The following UBE2G1 variants were observed in gnomAD, a reference collection of about 807,000 sequenced individuals.
UBE2G1 encodes ubiquitin-conjugating enzyme E2 G1.
Under a neutral mutation model 22.7 loss-of-function variants are expected in UBE2G1, and 5 were observed. The ratio of observed to expected loss-of-function variants is 0.22; its 90% confidence interval spans 0.12 to 0.46. UBE2G1 has a LOEUF of 0.46. Among genes scored for constraint, UBE2G1 ranks in the 20% least tolerant of loss-of-function variants. UBE2G1 has a pLI of 0.99. For synonymous variants in UBE2G1, 74 were observed against 67.5 expected, an observed-to-expected ratio of 1.10 and a Z score of -0.47; for missense variants, 88 against 203.9, an observed-to-expected ratio of 0.43 and a Z score of 3.46.
intron 3 of UBE2G1, among the ~76,000 whole-genome samples, chr17:4,293,539 T>A (rs1969069119): frequency 6.6e-6 from 1 of 152,208 alleles, no homozygotes; most frequent in South Asian, 2.1e-4. Flanking sequence ...GTTAGGTTCC[T>A]AGGATGGAAG....
In UBE2G1 at chr17:4,301,582, T is replaced by G. The variant is rs114340737; in HGVS notation, c.150-4768A>C. 1,013 of 1,334,224 alleles carry G rather than the reference T, an allele frequency of 7.6e-4. 6 individuals are homozygous for G. The African/African-American group carries it at 0.012, about 16-fold the overall frequency. 82.6% of individuals were successfully genotyped at this position (1,334,224 alleles called of 1,614,324 possible). A position where few individuals can be genotyped will look rare whatever the true frequency, so the allele number is the denominator to read the frequency against. On this transcript the variant is annotated intron_variant, in intron 2 of 5. Coordinates refer to ENST00000396981, the MANE Select transcript of UBE2G1 (RefSeq NM_003342.5). Reference sequence around the variant, plus strand: ...TGGCCCAATGTAGTTTTGTGTTTCTTTGGTGGCTTTTTAAAAGACCGAGTA... The same window carrying G: ...TGGCCCAATGTAGTTTTGTGTTTCTGTGGTGGCTTTTTAAAAGACCGAGTA...
At chr17:4,335,705 T>C (rs1969638254) in intron 1 of UBE2G1, among the ~76,000 whole-genome samples, 1 of 152,228 alleles carries the variant, frequency 6.6e-6, no homozygotes, top group Non-Finnish European at 1.5e-5. Flanking sequence ...ATAGTTTCTT[T>C]GACAGCATTT....
At chr17:4,365,622 G>A (rs1970024723) in intron 1 of UBE2G1, among the ~76,000 whole-genome samples, 1 of 152,050 alleles carries the variant, frequency 6.6e-6, no homozygotes, top group Admixed American at 6.5e-5. Context: ...CCCTCCCCCA[G>A]CCGGGCGGCG....
chr17:4,324,448 T>C (rs765648165), intron 1 of UBE2G1, among the ~76,000 whole-genome samples: 14 of 152,244 alleles, frequency 9.2e-5, no homozygotes, highest in Non-Finnish European at 1.6e-4. Context: ...ATTTTACCTA[T>C]CTTTTTACAT....
chr17:4,358,781 G>A (rs924950317), intron 1 of UBE2G1, among the ~76,000 whole-genome samples: 4 of 152,002 alleles, frequency 2.6e-5, no homozygotes, highest in Non-Finnish European at 5.9e-5. Flanking sequence ...GAGAAACCCT[G>A]TCTCTATTAA....
chr17:4,320,843 C>G (rs118101318), intron 1 of UBE2G1, among the ~76,000 whole-genome samples: 1 of 151,996 alleles, frequency 6.6e-6, no homozygotes, highest in Non-Finnish European at 1.5e-5. Context: ...CTAGATAACT[C>G]GTTCCCACCA....
At chr17:4,325,791 A>T (rs1005415825) in intron 1 of UBE2G1, among the ~76,000 whole-genome samples, 4 of 152,368 alleles carry the variant, frequency 2.6e-5, no homozygotes, top group Non-Finnish European at 4.4e-5. Flanking sequence ...ATGAAACAAA[A>T]TAAGAGCCTA....
chr17:4,355,285 G>C lies in UBE2G1; in HGVS notation c.46+10986C>G, dbSNP rs565977225. Among the ~76,000 whole-genome samples, 7 of 151,546 alleles carry C rather than the reference G, an allele frequency of 4.6e-5. No individual in the cohort carries two copies. The South Asian group carries it at 1.5e-3, about 32-fold the overall frequency. On this transcript the variant is annotated intron_variant, in intron 1 of 5. Coordinates refer to ENST00000396981, the MANE Select transcript of UBE2G1 (RefSeq NM_003342.5). ...CCCAAAGTTCTGGGATTACAGGCGT[G>C]AGTCACTCTGGGATTACAGGCATGA...
intron 1 of UBE2G1, among the ~76,000 whole-genome samples, chr17:4,328,586 TTCCTCTACATC>T (rs1398583208): frequency 8.5e-5 from 13 of 152,218 alleles, no homozygotes; most frequent in Non-Finnish European, 1.8e-4. Flanking sequence ...TTCTTTTGCA[TTCCTCTACATC>T]TTATTCCATT....
At chr17:4,310,981 T>C (rs1387809993) in intron 1 of UBE2G1, among the ~76,000 whole-genome samples, 2 of 151,970 alleles carry the variant, frequency 1.3e-5, no homozygotes, top group African/African-American at 2.4e-5. Flanking sequence ...GAGGCTGAGG[T>C]GGGCAGATCG....
At chr17:4,330,473 C>G (rs1326024985) in intron 1 of UBE2G1, among the ~76,000 whole-genome samples, 1 of 152,078 alleles carries the variant, frequency 6.6e-6, no homozygotes, top group Non-Finnish European at 1.5e-5. Context: ...CGCGGTGGCT[C>G]ATGCCTGTAA....
Position 4,296,832 on chromosome 17 carries a change from A to G in UBE2G1, c.150-18T>C. ...CACCTTCACTGGAAAAAAGAACAAAAAGAAGTTCTTGCCTATAAGTTCCTG... is the reference window on the plus strand; with the variant it reads ...CACCTTCACTGGAAAAAAGAACAAAGAGAAGTTCTTGCCTATAAGTTCCTG... On this transcript the variant is annotated intron_variant, in intron 2 of 5. Transcript: ENST00000396981. 6.2e-7 allele frequency: 1 copy of G among 1,606,730 alleles called. No homozygotes were observed. The highest frequency in any genetic ancestry group is 8.5e-7 in the Non-Finnish European group (1 of 1,174,618).
At chr17:4,329,688 T>G (rs1219541431) in intron 1 of UBE2G1, among the ~76,000 whole-genome samples, 2 of 152,210 alleles carry the variant, frequency 1.3e-5, no homozygotes, top group Non-Finnish European at 2.9e-5. Context: ...ATTTCAACCA[T>G]GACTGAAATC....
intron 1 of UBE2G1, among the ~76,000 whole-genome samples, chr17:4,343,623 C>CT (rs1186954052): frequency 6.6e-6 from 1 of 151,018 alleles, no homozygotes; most frequent in Non-Finnish European, 1.5e-5. Flanking sequence ...GAGTCTCGCT[C>CT]TGTCGCCCAG....
chr17:4,298,887 A>C (rs1405187366), intron 2 of UBE2G1, among the ~76,000 whole-genome samples: 1 of 152,224 alleles, frequency 6.6e-6, no homozygotes, highest in Non-Finnish European at 1.5e-5. Flanking sequence ...TATTGAAAGG[A>C]AGAAGCATGA....
chr17:4,311,639 GTAATTACT>G (rs895210702), intron 1 of UBE2G1, among the ~76,000 whole-genome samples: 3 of 152,170 alleles, frequency 2.0e-5, no homozygotes, highest in Non-Finnish European at 4.4e-5. Flanking sequence ...GAAAGGGGGC[GTAATTACT>G]TAAGGGGTAT....
rs528295593 is a variant in UBE2G1, at chr17:4,301,206, C to T, written c.150-4392G>A. ...CTGTCTCTTGTCCATTCATTCTATC[C>T]GCCACAGTTCACTATTATTCTATGA... On this transcript the variant is annotated intron_variant, in intron 2 of 5. Coordinates refer to ENST00000396981, the MANE Select transcript of UBE2G1 (RefSeq NM_003342.5). 4.6e-5 allele frequency among the ~76,000 whole-genome samples: 7 copies of T among 152,266 alleles called. No homozygotes were observed. In the South Asian group the frequency reaches 1.0e-3, roughly 23 times the overall value.
At position 4,269,372 on chromosome 17, in the gene UBE2G1, A is replaced by G. The variant is rs1968723105; in HGVS notation, c.*3182T>C. ...CTCACATAGTTAAATACAATCAACA[A>G]ATTACAGAACTAAAAAAACTGAAAT... is the stretch of plus-strand genomic sequence containing the variant. On this transcript the variant is annotated 3_prime_UTR_variant, in exon 6 of 6. Coordinates refer to ENST00000396981, the MANE Select transcript of UBE2G1 (RefSeq NM_003342.5). The G allele has an allele frequency of 6.6e-6, 1 of 152,574 alleles. No homozygotes were observed. The highest frequency in any genetic ancestry group is 1.5e-5 in the Non-Finnish European group (1 of 68,110). The allele number at this position is 152,574 out of a possible 1,614,324, so 9.5% of individuals were successfully genotyped here. A position where few individuals can be genotyped will look rare whatever the true frequency, so the allele number is the denominator to read the frequency against.
At chr17:4,365,777 G>A (rs189866746) in intron 1 of UBE2G1, among the ~76,000 whole-genome samples, 1 of 152,286 alleles carries the variant, frequency 6.6e-6, no homozygotes, top group African/African-American at 2.4e-5. Context: ...GCGCCGCCCG[G>A]GGAGAAGTTT....
Sources: gnomAD v4.1 joint callset for allele counts (sites outside exome capture counted in the v4.1 genomes callset) on GRCh38, gnomAD v4.1.1 for gene constraint, MANE v1.5 for transcripts, NCBI Gene and HGNC (gene_info 2026-07-23, HGNC 2026-07-21) for gene names.